CBFA2T2: variants seen among roughly 807,000 people sequenced by gnomAD.
CBFA2T2 encodes protein CBFA2T2.
Under a neutral mutation model 62.2 loss-of-function variants are expected in CBFA2T2, and 11 were observed. That is an observed-to-expected ratio of 0.18 (90% CI 0.11 to 0.29). The LOEUF (loss-of-function observed/expected upper bound fraction) is 0.29, where lower values mean the gene tolerates loss of function less well. Ranked by LOEUF, CBFA2T2 falls within the 10% of genes least tolerant of loss-of-function variation. CBFA2T2 has a pLI of 1.00. For missense variants in CBFA2T2, 592 were observed against 774.1 expected, an observed-to-expected ratio of 0.76 and a Z score of 2.79; for synonymous variants, 295 against 287.5, an observed-to-expected ratio of 1.03 and a Z score of -0.27.
intron 1 of CBFA2T2, among the ~76,000 whole-genome samples, chr20:33,528,522 A>G (rs1437636029): frequency 6.6e-6 from 1 of 152,190 alleles, no homozygotes; most frequent in African/African-American, 2.4e-5. Flanking sequence ...AGAGGATCCC[A>G]GATGAGGGCT....
chr20:33,565,069 G>A (rs559351058), intron 1 of CBFA2T2, among the ~76,000 whole-genome samples: 5 of 152,046 alleles, frequency 3.3e-5, no homozygotes, highest in South Asian at 2.1e-4. Flanking sequence ...ACAGGCACCC[G>A]CCACCACACC....
intron 1 of CBFA2T2, among the ~76,000 whole-genome samples, chr20:33,509,977 C>A (rs903515538): frequency 6.6e-6 from 1 of 151,998 alleles, no homozygotes; most frequent in African/African-American, 2.4e-5. Flanking sequence ...CCCTGCCCCC[C>A]ACCCCACCAC....
At chr20:33,587,372 T>G (rs2014417078) in intron 1 of CBFA2T2, among the ~76,000 whole-genome samples, 1 of 152,160 alleles carries the variant, frequency 6.6e-6, no homozygotes, top group South Asian at 2.1e-4. Context: ...GTTCAAGTGA[T>G]TCTCCTGCCT....
rs568786218 is a variant in CBFA2T2 at position 33,647,530 on chromosome 20, C to G, written c.*2884C>G. The G allele has an allele frequency of 6.6e-6, 1 of 152,186 alleles. No homozygotes were observed. The highest frequency in any genetic ancestry group is 1.5e-5 in the Non-Finnish European group (1 of 68,046). 9.4% of individuals were successfully genotyped at this position (152,186 alleles called of 1,614,324 possible). On this transcript the variant is annotated 3_prime_UTR_variant, in exon 11 of 11. Coordinates refer to ENST00000342704, the MANE Select transcript of CBFA2T2 (RefSeq NM_001032999.3). Reference sequence around the variant, plus strand: ...AACCCCGGACCTCAGGTGATCCCCCCACCTTGGCCTCCCAAAGTGCCAGGA... The same window carrying G: ...AACCCCGGACCTCAGGTGATCCCCCGACCTTGGCCTCCCAAAGTGCCAGGA...
intron 4 of CBFA2T2, among the ~76,000 whole-genome samples, chr20:33,620,634 GT>G (rs2015920833): frequency 6.6e-6 from 1 of 152,244 alleles, no homozygotes; most frequent in African/African-American, 2.4e-5. Flanking sequence ...GAGGTCAGGA[GT>G]TAGAGACCAG....
At chr20:33,593,834 T>C (rs1056032802) in intron 1 of CBFA2T2, among the ~76,000 whole-genome samples, 1 of 152,172 alleles carries the variant, frequency 6.6e-6, no homozygotes, top group African/African-American at 2.4e-5. Flanking sequence ...TTATGAAAAT[T>C]GTTTTGACCT....
chr20:33,511,712 T>C (rs922298604), intron 1 of CBFA2T2, among the ~76,000 whole-genome samples: 1 of 152,164 alleles, frequency 6.6e-6, no homozygotes, highest in Non-Finnish European at 1.5e-5. Context: ...CCTGTGTAGC[T>C]ACTATGTAGA....
rs752924518 is a variant in CBFA2T2 at position 33,644,648 on chromosome 20, C to T, written c.*2C>T. 6.3e-7 allele frequency: 1 copy of T among 1,595,734 alleles called. No homozygotes were observed. On this transcript the variant is annotated 3_prime_UTR_variant, in exon 11 of 11. Coordinates refer to ENST00000342704, the MANE Select transcript of CBFA2T2 (RefSeq NM_001032999.3). ...GCTATCGACACCAACGGACTCTGAG[C>T]CCCGGACTCTGCTTACCCTGATGGC...
chr20:33,590,198 G>C (rs946007532), intron 1 of CBFA2T2, among the ~76,000 whole-genome samples: 10 of 150,256 alleles, frequency 6.7e-5, no homozygotes, highest in African/African-American at 1.2e-4. Context: ...GTGAGCCTAG[G>C]TTATGTGACT....
intron 10 of CBFA2T2, among the ~76,000 whole-genome samples, chr20:33,642,163 TGG>T (rs1479630605): frequency 4.1e-5 from 6 of 146,788 alleles, no homozygotes; most frequent in Admixed American, 1.4e-4. Flanking sequence ...TGTGTGTGTG[TGG>T]ATAACAGGGT....
intron 1 of CBFA2T2, among the ~76,000 whole-genome samples, chr20:33,589,940 ATTCCT>A (rs2014540576): frequency 6.6e-6 from 1 of 152,108 alleles, no homozygotes; most frequent in African/African-American, 2.4e-5. Flanking sequence ...GCTTGTTTAC[ATTCCT>A]TTCCTTAGTA....
chr20:33,520,711 A>G (rs2011704287), intron 1 of CBFA2T2, among the ~76,000 whole-genome samples: 1 of 152,104 alleles, frequency 6.6e-6, no homozygotes, highest in Non-Finnish European at 1.5e-5. Context: ...CAGAGTTTGC[A>G]GTGAGCTGAG....
At chr20:33,529,301 A>C (rs1480541359) in intron 1 of CBFA2T2, among the ~76,000 whole-genome samples, 1 of 152,130 alleles carries the variant, frequency 6.6e-6, no homozygotes, top group Non-Finnish European at 1.5e-5. Context: ...CTAGGATTAC[A>C]GGCGTGAGCC....
At chr20:33,516,764 C>G (rs887474083) in intron 1 of CBFA2T2, among the ~76,000 whole-genome samples, 1 of 152,200 alleles carries the variant, frequency 6.6e-6, no homozygotes, top group Non-Finnish European at 1.5e-5. Flanking sequence ...GTAATACTCA[C>G]GCAGTGTTTT....
At chr20:33,521,623 C>A (rs2011731399) in intron 1 of CBFA2T2, among the ~76,000 whole-genome samples, 1 of 152,098 alleles carries the variant, frequency 6.6e-6, no homozygotes, top group Non-Finnish European at 1.5e-5. Context: ...GCAGCTGTAC[C>A]ATCTGTGGGA....
chr20:33,491,309 G>A (rs1157180811), intron 1 of CBFA2T2, among the ~76,000 whole-genome samples: 1 of 152,004 alleles, frequency 6.6e-6, no homozygotes, highest in East Asian at 1.9e-4. Flanking sequence ...GACCGAACTG[G>A]GGTTTTGAGT....
chr20:33,606,328 C>T (rs539803039), intron 1 of CBFA2T2, among the ~76,000 whole-genome samples: 2 of 152,296 alleles, frequency 1.3e-5, no homozygotes, highest in African/African-American at 4.8e-5. Flanking sequence ...TGCTAACTTT[C>T]AGTTCACATC....
chr20:33,561,675 G>C (rs1228532073), intron 1 of CBFA2T2, among the ~76,000 whole-genome samples: 2 of 152,014 alleles, frequency 1.3e-5, no homozygotes, highest in East Asian at 3.8e-4. Flanking sequence ...TTATTTTGGC[G>C]ACTCATTGTT....
At chr20:33,529,121 G>T (rs1434919691) in intron 1 of CBFA2T2, among the ~76,000 whole-genome samples, 2 of 152,072 alleles carry the variant, frequency 1.3e-5, no homozygotes, top group Admixed American at 1.3e-4. Flanking sequence ...CGCCTACCGG[G>T]TTTACGCCAT....
Sources: gnomAD v4.1 joint callset for allele counts (sites outside exome capture counted in the v4.1 genomes callset) on GRCh38, gnomAD v4.1.1 for gene constraint, MANE v1.5 for transcripts, NCBI Gene and HGNC (gene_info 2026-07-23, HGNC 2026-07-21) for gene names.